The following PCDHGA11 variants were observed in gnomAD, a reference collection of about 807,000 sequenced individuals.
PCDHGA11 encodes the protein protocadherin gamma subfamily A, 11.
PCDHGA11 carries 39 observed loss-of-function variants against 60.4 expected under a neutral mutation model. That is an observed-to-expected ratio of 0.65 (90% CI 0.50 to 0.84). The LOEUF is 0.84. Among genes scored for constraint, PCDHGA11 ranks in the 40% least tolerant of loss-of-function variants. The probability of loss-of-function intolerance (pLI) is 0.00; values close to 1 mark genes in which losing one functional copy is unlikely to be tolerated. For missense variants in PCDHGA11, 1,165 were observed against 1,197.7 expected, an observed-to-expected ratio of 0.97 and a Z score of 0.40; for synonymous variants, 533 against 510.3, an observed-to-expected ratio of 1.04 and a Z score of -0.60.
Position 141,486,320 on chromosome 5 carries a change from G to A in PCDHGA11, c.2434-8487G>A, listed in dbSNP as rs764851576. The stretch of plus-strand genomic sequence containing the variant: ...GCAGGATCCAGACTCAGGGTCAAAC[G>A]GAGATGTGAGCCTCCGCATTCCTGA... On this transcript the variant is annotated intron_variant, in intron 1 of 3. Coordinates refer to ENST00000398587, the MANE Select transcript of PCDHGA11 (RefSeq NM_018914.3). This position sits in a 1 kb window ranked among gnomAD's most constrained non-coding sequence, Gnocchi z 5.0. The A allele has an allele frequency of 6.2e-7, 1 of 1,614,010 alleles. No individual in the cohort carries two copies. Among genetic ancestry groups the A allele is most frequent in the South Asian group, 1.1e-5 (1 of 91,060 alleles).
At chr5:141,430,653 A>G (rs2097300223) in intron 1 of PCDHGA11, 4 of 1,073,410 alleles carry the variant, frequency 3.7e-6, no homozygotes, top group Middle Eastern at 2.4e-4. Context: ...TGTGGAAACA[A>G]CGGAGGAGCT....
At chr5:141,459,831 G>A (rs907978430) in intron 1 of PCDHGA11, among the ~76,000 whole-genome samples, 1 of 152,150 alleles carries the variant, frequency 6.6e-6, no homozygotes, top group Admixed American at 6.6e-5. Context: ...CTTTTCATGT[G>A]TTGTCTATTT....
chr5:141,426,307 A>G (rs958090236), intron 1 of PCDHGA11: 2 of 172,782 alleles, frequency 1.2e-5, no homozygotes, highest in African/African-American at 4.7e-5. Context: ...GGTGAAGCAG[A>G]GAAGCAGGAC....
At chr5:141,454,774 G>A (rs1228452126) in intron 1 of PCDHGA11, among the ~76,000 whole-genome samples, 2 of 144,796 alleles carry the variant, frequency 1.4e-5, no homozygotes, top group African/African-American at 2.6e-5. Context: ...TTTTTACAAG[G>A]AAATAATCCT....
Position 141,431,431 on chromosome 5 carries a change from C to T in PCDHGA11, c.2433+7771C>T, listed in dbSNP as rs776557037. ...ACGGGGGCGACCCGGTGCGCACAGG[C>T]ACCGCGCGCATCCGCGTGATGGTTC... is the stretch of plus-strand genomic sequence containing the variant. On this transcript the variant is annotated intron_variant, in intron 1 of 3. Transcript: ENST00000398587. This position sits in a 1 kb window ranked among gnomAD's most constrained non-coding sequence, Gnocchi z 4.8. 11 of 1,613,586 alleles carry T rather than the reference C, an allele frequency of 6.8e-6. No individual in the cohort carries two copies. The East Asian group carries it at 1.1e-4, about 16-fold the overall frequency.
At chr5:141,504,303 G>A (rs1157625808) in intron 2 of PCDHGA11, among the ~76,000 whole-genome samples, 4 of 151,938 alleles carry the variant, frequency 2.6e-5, no homozygotes, top group Admixed American at 2.6e-4. Context: ...TTCAACACTC[G>A]GAGTTTCTAA....
rs376996144 is a variant in PCDHGA11, at chr5:141,491,534, G to C, written c.2434-3273G>C. 3.7e-6 allele frequency: 6 copies of C among 1,613,912 alleles called. No homozygotes were observed. The highest frequency in any genetic ancestry group is 1.3e-5 in the African/African-American group (1 of 74,928). ...CTCAAGTACATGGAGGTGACGCTGC[G>C]GCCCACAGACTCGCAGAGCCACTGC... On this transcript the variant is annotated intron_variant, in intron 1 of 3. Coordinates refer to ENST00000398587, the MANE Select transcript of PCDHGA11 (RefSeq NM_018914.3). This position sits in a 1 kb window ranked among gnomAD's most constrained non-coding sequence, Gnocchi z 6.9.
rs962136728 is a variant in PCDHGA11 at position 141,491,524 on chromosome 5, G to A, written c.2434-3283G>A. 1 of 1,613,960 alleles carries A rather than the reference G, an allele frequency of 6.2e-7. No homozygotes were observed. The highest frequency in any genetic ancestry group is 1.3e-5 in the African/African-American group (1 of 74,936). On this transcript the variant is annotated intron_variant, in intron 1 of 3. Coordinates refer to ENST00000398587, the MANE Select transcript of PCDHGA11 (RefSeq NM_018914.3). The surrounding 1 kb of genome is among the most constrained non-coding windows in gnomAD (Gnocchi z 6.9). ...GGACGGCACGCTCAAGTACATGGAG[G>A]TGACGCTGCGGCCCACAGACTCGCA...
intron 1 of PCDHGA11, among the ~76,000 whole-genome samples, chr5:141,449,921 C>T (rs2098659300): frequency 6.6e-6 from 1 of 151,648 alleles, no homozygotes; most frequent in African/African-American, 2.4e-5. Flanking sequence ...TTAAATTCTA[C>T]CATACCTTAT....
intron 1 of PCDHGA11, among the ~76,000 whole-genome samples, chr5:141,481,695 T>A (rs2099542216): frequency 1.3e-5 from 2 of 152,122 alleles, no homozygotes; most frequent in Non-Finnish European, 2.9e-5. Context: ...GGCTCACGCC[T>A]GTAATCCCAG....
chr5:141,479,928 C>T (rs1309777916), intron 1 of PCDHGA11, among the ~76,000 whole-genome samples: 1 of 152,222 alleles, frequency 6.6e-6, no homozygotes, highest in African/African-American at 2.4e-5. Flanking sequence ...CTCAGTGCAT[C>T]ATTGCTATCA....
Position 141,477,354 on chromosome 5 carries a change from C to T in PCDHGA11, c.2434-17453C>T, listed in dbSNP as rs1164062950. On this transcript the variant is annotated intron_variant, in intron 1 of 3. Coordinates refer to ENST00000398587, the MANE Select transcript of PCDHGA11 (RefSeq NM_018914.3). This position sits in a 1 kb window ranked among gnomAD's most constrained non-coding sequence, Gnocchi z 4.9. ...AATTACTTCACTTTGAAAACCAGTG[C>T]AGACCTGGATCGGGAGACTGTGCCA... 14 of 1,614,202 alleles carry T rather than the reference C, an allele frequency of 8.7e-6. No homozygotes were observed. The highest frequency in any genetic ancestry group is 1.1e-5 in the Non-Finnish European group (13 of 1,180,036).
chr5:141,465,546 T>C (rs572856697), intron 1 of PCDHGA11, among the ~76,000 whole-genome samples: 1 of 152,338 alleles, frequency 6.6e-6, no homozygotes, highest in South Asian at 2.1e-4. Context: ...GCATTTTTTC[T>C]GCTGAAGCTT....
chr5:141,494,943 G>A, intron 2 of PCDHGA11, 78 bp downstream of exon 2: 2 of 1,610,326 alleles, frequency 1.2e-6, no homozygotes, highest in Non-Finnish European at 1.7e-6. Flanking sequence ...ATGGGGGAGG[G>A]CCCAGCATTT....
intron 1 of PCDHGA11, among the ~76,000 whole-genome samples, chr5:141,465,396 C>A (rs2099102528): frequency 6.6e-6 from 1 of 152,054 alleles, no homozygotes; most frequent in Admixed American, 6.6e-5. Context: ...AAAAACAAGT[C>A]AGAAGAAGCC....
intron 1 of PCDHGA11, among the ~76,000 whole-genome samples, chr5:141,474,250 A>G (rs2099346141): frequency 6.6e-6 from 1 of 152,236 alleles, no homozygotes; most frequent in East Asian, 1.9e-4. Flanking sequence ...GGGGAAAAAA[A>G]GACTGATAAA....
rs757755103 is a variant in PCDHGA11 at position 141,432,638 on chromosome 5, C to T, written c.2433+8978C>T. 1.2e-6 allele frequency: 2 copies of T among 1,613,810 alleles called. No homozygotes were observed. Among genetic ancestry groups the T allele is most frequent in the Non-Finnish European group, 8.5e-7 (1 of 1,179,930 alleles). ...GGTGGGTCTGCACACGGGCGAGGTG[C>T]GCACGGCGCGAGCCCTGCTGGACAG... is the stretch of plus-strand genomic sequence containing the variant. On this transcript the variant is annotated intron_variant, in intron 1 of 3. Transcript: ENST00000398587. The surrounding 1 kb of genome is among the most constrained non-coding windows in gnomAD (Gnocchi z 6.0).
At chr5:141,427,722 G>C (rs755543438) in intron 1 of PCDHGA11, 7 of 1,120,986 alleles carry the variant, frequency 6.2e-6, no homozygotes, top group Non-Finnish European at 9.3e-6. Context: ...CCTGGACCTA[G>C]GGCTGAATGG....
intron 1 of PCDHGA11, among the ~76,000 whole-genome samples, chr5:141,484,207 A>G (rs898823095): frequency 2.6e-5 from 4 of 152,218 alleles, no homozygotes; most frequent in Non-Finnish European, 5.9e-5. Context: ...ATCTATGAAC[A>G]TTAGCATTCT....
Sources: gnomAD v4.1 joint callset for allele counts (sites outside exome capture counted in the v4.1 genomes callset) on GRCh38, gnomAD v4.1.1 for gene constraint, Gnocchi (gnomAD v3.1) non-coding constraint, MANE v1.5 for transcripts, NCBI Gene and HGNC (gene_info 2026-07-23, HGNC 2026-07-21) for gene names.